The following LRRK1 variants were observed in gnomAD, a reference collection of about 807,000 sequenced individuals.
LRRK1 encodes leucine-rich repeat serine/threonine-protein kinase 1.
LRRK1 carries 113 observed loss-of-function variants against 209.1 expected under a neutral mutation model. That is an observed-to-expected ratio of 0.54 (90% CI 0.46 to 0.63). The LOEUF is 0.63. LRRK1 is among the 30% of genes least tolerant of loss of function. The probability of loss-of-function intolerance (pLI) is 0.00; values close to 1 mark genes in which losing one functional copy is unlikely to be tolerated. For missense variants in LRRK1, 2,284 were observed against 2,632.2 expected, an observed-to-expected ratio of 0.87 and a Z score of 2.89; for synonymous variants, 1,144 against 1,099.7, an observed-to-expected ratio of 1.04 and a Z score of -0.80.
chr15:101,024,450 G>C lies in LRRK1; in HGVS notation c.2068-353G>C, dbSNP rs987302222. Among the ~76,000 whole-genome samples the C allele has an allele frequency of 6.6e-6, 1 of 152,172 alleles. No individual in the cohort carries two copies. The highest frequency in any genetic ancestry group is 1.5e-5 in the Non-Finnish European group (1 of 68,048). On this transcript the variant is annotated intron_variant, in intron 15 of 33. Transcript: ENST00000388948. This position sits in a 1 kb window ranked among gnomAD's most constrained non-coding sequence, Gnocchi z 4.6. ...TCCTCCTCTTGCCCTGGCACACAGGGAGGCTGAACCCCAGTGCAAGCCGTG... is the reference window on the plus strand; with the variant it reads ...TCCTCCTCTTGCCCTGGCACACAGGCAGGCTGAACCCCAGTGCAAGCCGTG...
At chr15:100,996,605 C>T (rs562756750) in intron 6 of LRRK1, among the ~76,000 whole-genome samples, 1 of 152,308 alleles carries the variant, frequency 6.6e-6, no homozygotes, top group Admixed American at 6.5e-5. Context: ...TTCCTCTGCC[C>T]ATATGTTTTC....
intron 17 of LRRK1, among the ~76,000 whole-genome samples, 157 bp downstream of exon 17, chr15:101,026,294 G>A (rs1286713603): frequency 6.6e-6 from 1 of 152,258 alleles, no homozygotes; most frequent in Non-Finnish European, 1.5e-5. Flanking sequence ...GCCTTGGGGA[G>A]GGTGAAGACC....
rs11247259 is a variant in LRRK1, at chr15:101,058,154, G to A, written c.4679+13G>A. ...AAGAGGAGTCCAGGTAAGCTCCTGC[G>A]GGCTGCCCTGCCCCCTTTGTATTTG... On this transcript the variant is annotated intron_variant, in intron 29 of 33. Coordinates refer to ENST00000388948, the MANE Select transcript of LRRK1 (RefSeq NM_024652.6). 0.014 allele frequency: 22,958 copies of A among 1,613,340 alleles called. 2,192 individuals are homozygous for A. In the African/African-American group the frequency reaches 0.24, roughly 17 times the overall value.
intron 2 of LRRK1, among the ~76,000 whole-genome samples, chr15:100,959,665 C>T (rs2042834740): frequency 6.6e-6 from 1 of 152,192 alleles, no homozygotes; most frequent in Non-Finnish European, 1.5e-5. Flanking sequence ...CATTTGTGTG[C>T]TCACCGCTTC....
At chr15:101,068,139 C>T (rs1462645024) in intron 33 of LRRK1, among the ~76,000 whole-genome samples, 2 of 152,208 alleles carry the variant, frequency 1.3e-5, no homozygotes, top group Admixed American at 6.5e-5. Context: ...AGCACACACC[C>T]ACCGATCCTG....
intron 19 of LRRK1, among the ~76,000 whole-genome samples, chr15:101,028,680 GA>G (rs1031128661): frequency 2.4e-4 from 36 of 152,250 alleles, no homozygotes; most frequent in Non-Finnish European, 4.4e-4. Context: ...ATCTTAGCAA[GA>G]AGGTGAATTT....
At chr15:101,043,261 C>T (rs976380164) in intron 20 of LRRK1, among the ~76,000 whole-genome samples, 3 of 152,240 alleles carry the variant, frequency 2.0e-5, no homozygotes, top group African/African-American at 4.8e-5. Context: ...GAACCAGCCA[C>T]TGGCCCCACC....
rs1441125698 is a variant in LRRK1 at position 101,071,725 on chromosome 15, A to G, written c.*2877A>G. The stretch of plus-strand genomic sequence containing the variant: ...TTTTAGGAGCTCACTCCTCATAGGT[A>G]GAGTTGACAATAAGCACACAAACAA... On this transcript the variant is annotated 3_prime_UTR_variant, in exon 34 of 34. Transcript: ENST00000388948. 1 of 152,204 alleles carries G rather than the reference A, an allele frequency of 6.6e-6. No individual in the cohort carries two copies. 9.4% of individuals were successfully genotyped at this position (152,204 alleles called of 1,614,324 possible).
Position 101,010,721 on chromosome 15 carries a change from G to C in LRRK1, c.1165G>C (p.Asp389His). 6.2e-7 allele frequency: 1 copy of C among 1,612,000 alleles called. No homozygotes were observed. ...GAAGCTACAGGAACTTGATATATCTGACAATAAATTGACAGAACTCCCTGC... is the reference window on the plus strand; with the variant it reads ...GAAGCTACAGGAACTTGATATATCTCACAATAAATTGACAGAACTCCCTGC... Reference protein sequence around the residue: ...LRKLQELDISDNKLTELPALF... With the variant: ...LRKLQELDISHNKLTELPALF... Residue 389 changes from aspartate (D) to histidine (H), a missense_variant, in exon 9 of 34, where the codon GAC becomes CAC. Asp to His is a moderately conservative substitution (Grantham distance 81). This residue lies in a region of LRRK1 where 494 missense variants were observed against 522.1 expected (regional missense o/e 0.95). Coordinates refer to ENST00000388948, the MANE Select transcript of LRRK1 (RefSeq NM_024652.6).
At position 101,021,883 on chromosome 15, in the gene LRRK1, A is replaced by T. The variant is rs2033812975; in HGVS notation, c.1778A>T (p.Gln593Leu). The T allele has an allele frequency of 6.2e-7, 1 of 1,614,034 alleles. No homozygotes were observed. The change falls in exon 14 of 34, where the codon CAG (glutamine) becomes CTG (leucine). Residue 593 changes from glutamine (Q) to leucine (L), a missense_variant. By Grantham distance (113) the Gln-to-Leu change is moderately radical. Around this residue, in one of 6 missense-constraint regions of LRRK1, gnomAD observed 494 missense variants for 522.1 expected, o/e 0.95. Coordinates refer to ENST00000388948, the MANE Select transcript of LRRK1 (RefSeq NM_024652.6). ...GLRELPPELG[Q>L]LGNLWQLDTE... ...CGGGAGCTCCCTCCTGAGCTGGGGC[A>T]GCTGGGCAACCTCTGGCAGCTGGAC...
intron 2 of LRRK1, among the ~76,000 whole-genome samples, chr15:100,938,814 G>A (rs1469816709): frequency 1.3e-5 from 2 of 152,208 alleles, no homozygotes; most frequent in African/African-American, 2.4e-5. Flanking sequence ...GGAGAGGGCC[G>A]GGTGTGGTGG....
At chr15:101,001,043 C>T (rs1019128252) in intron 6 of LRRK1, among the ~76,000 whole-genome samples, 1 of 152,176 alleles carries the variant, frequency 6.6e-6, no homozygotes, top group South Asian at 2.1e-4. Flanking sequence ...TACCAGAGTG[C>T]AGGAACTTGA....
rs78844189 is a variant in LRRK1 at position 100,971,432 on chromosome 15, A to G, written c.98-2372A>G. Among the ~76,000 whole-genome samples the G allele has an allele frequency of 7.6e-3, 1,155 of 152,204 alleles. 16 individuals are homozygous for G. Among genetic ancestry groups the G allele is most frequent in the African/African-American group, 0.026 (1,064 of 41,528 alleles). On this transcript the variant is annotated intron_variant, in intron 2 of 33. Coordinates refer to ENST00000388948, the MANE Select transcript of LRRK1 (RefSeq NM_024652.6). ...ATCCTTTCAGAGAGGCAGCACAAAG[A>G]TGGGTTGGGTTTAGCTTGAGAGCTG...
In LRRK1 at chr15:100,991,611, T is replaced by G. The variant is rs573189995; in HGVS notation, c.762+2213T>G. Among the ~76,000 whole-genome samples the G allele has an allele frequency of 7.9e-4, 121 of 152,326 alleles. 1 individual carries two copies. The highest frequency in any genetic ancestry group is 2.8e-3 in the African/African-American group (118 of 41,584). On this transcript the variant is annotated intron_variant, in intron 6 of 33. Coordinates refer to ENST00000388948, the MANE Select transcript of LRRK1 (RefSeq NM_024652.6). The stretch of plus-strand genomic sequence containing the variant: ...TTCTCTTATTCACTCTAATGTAGTT[T>G]TTACTAGAATTCCTCAATACTTTTG...
chr15:101,063,173 G>A (rs1212501447), intron 31 of LRRK1, among the ~76,000 whole-genome samples: 1 of 152,190 alleles, frequency 6.6e-6, no homozygotes, highest in East Asian at 1.9e-4. Flanking sequence ...GCATAGCCCT[G>A]CAGACTCAGC....
rs28514828 is a variant in LRRK1, at chr15:101,067,866, G to A, written c.5871-805G>A. 5.1e-3 allele frequency among the ~76,000 whole-genome samples: 784 copies of A among 152,360 alleles called. 6 individuals are homozygous for A. The highest frequency in any genetic ancestry group is 0.018 in the African/African-American group (748 of 41,582). Reference sequence around the variant, plus strand: ...GCATACCTGCCATTAATGTCCTAACGTTTAGCTGTTGTTTTTCTCCTATTC... The same window carrying A: ...GCATACCTGCCATTAATGTCCTAACATTTAGCTGTTGTTTTTCTCCTATTC... On this transcript the variant is annotated intron_variant, in intron 33 of 33. Coordinates refer to ENST00000388948, the MANE Select transcript of LRRK1 (RefSeq NM_024652.6).
At chr15:100,929,069 A>G (rs2042163823) in intron 2 of LRRK1, among the ~76,000 whole-genome samples, 1 of 152,198 alleles carries the variant, frequency 6.6e-6, no homozygotes, top group African/African-American at 2.4e-5. Flanking sequence ...TACTTTGACA[A>G]ACATGTCATT....
intron 4 of LRRK1, 113 bp from the exon 5 acceptor site, chr15:100,988,521 A>G: frequency 1.1e-6 from 1 of 946,546 alleles, no homozygotes. Context: ...GTGCAAATGT[A>G]CCACATTTTA....
rs1288643728 is a variant in LRRK1 at position 101,074,797 on chromosome 15, C to T, written c.*5949C>T. The T allele has an allele frequency of 2.0e-5, 3 of 151,914 alleles. No individual in the cohort carries two copies. Among genetic ancestry groups the T allele is most frequent in the Non-Finnish European group, 4.4e-5 (3 of 68,028 alleles). The allele number at this position is 151,914 out of a possible 1,614,324, so 9.4% of individuals were successfully genotyped here. On this transcript the variant is annotated 3_prime_UTR_variant, in exon 34 of 34. Transcript: ENST00000388948. ...AGGCATTCCTCCAGAACCTCCTCCC[C>T]CAGGAGCTTGCTACAAGTGCCAGAA... is the stretch of plus-strand genomic sequence containing the variant.
Sources: gnomAD v4.1 joint callset for allele counts (sites outside exome capture counted in the v4.1 genomes callset) on GRCh38, gnomAD v4.1.1 for gene constraint, gnomAD v4.1.1 regional missense constraint, Gnocchi (gnomAD v3.1) non-coding constraint, MANE v1.5 for transcripts, NCBI Gene and HGNC (gene_info 2026-07-23, HGNC 2026-07-21) for gene names.